The following WWOX variants were observed in gnomAD, a reference collection of about 807,000 sequenced individuals.
The protein encoded by WWOX is WW domain containing oxidoreductase, also known as WW domain-containing oxidoreductase.
In WWOX, 69 loss-of-function variants were observed where a neutral mutation model predicts 46.2. The observed-to-expected ratio is 1.49, with a 90% CI of 1.23 to 1.82. The LOEUF (loss-of-function observed/expected upper bound fraction) is 1.82, where lower values mean the gene tolerates loss of function less well. Ranked by LOEUF, WWOX falls within the 40% of genes most tolerant of loss-of-function variation. WWOX has a pLI of 0.00. For synonymous variants in WWOX, 359 were observed against 202.6 expected, an observed-to-expected ratio of 1.77 and a Z score of -6.56; for missense variants, 919 against 542.6, an observed-to-expected ratio of 1.69 and a Z score of -6.89.
chr16:79,182,061 T>A (rs963353634), intron 8 of WWOX, among the ~76,000 whole-genome samples: 1 of 149,274 alleles, frequency 6.7e-6, no homozygotes, highest in Non-Finnish European at 1.5e-5. Flanking sequence ...CAGGGGAACC[T>A]TCCAACATCC....
At chr16:78,917,261 A>T (rs894834265) in intron 8 of WWOX, among the ~76,000 whole-genome samples, 14 of 152,238 alleles carry the variant, frequency 9.2e-5, no homozygotes, top group Non-Finnish European at 2.1e-4. Context: ...ACTGAGAGTC[A>T]GGAGGCGTGG....
intron 8 of WWOX, among the ~76,000 whole-genome samples, chr16:78,563,519 T>TTTTTTTTTTTTC (rs2044490374): frequency 2.2e-5 from 2 of 92,444 alleles, no homozygotes; most frequent in African/African-American, 1.3e-4. Context: ...ACACACACGC[T>TTTTTTTTTTTTC]TTTTTTTTTT....
intron 5 of WWOX, among the ~76,000 whole-genome samples, chr16:78,379,802 AG>A (rs2081915096): frequency 6.6e-6 from 1 of 152,170 alleles, no homozygotes; most frequent in Non-Finnish European, 1.5e-5. Context: ...TTTGAAAACT[AG>A]GTTTGATCAC....
chr16:78,596,191 C>G (rs369144790), intron 8 of WWOX, among the ~76,000 whole-genome samples: 2 of 152,190 alleles, frequency 1.3e-5, no homozygotes, highest in East Asian at 3.9e-4. Flanking sequence ...ATCAACAAAA[C>G]AAAACATGAT....
At chr16:78,439,591 T>A (rs1413397639) in intron 8 of WWOX, among the ~76,000 whole-genome samples, 1 of 152,228 alleles carries the variant, frequency 6.6e-6, no homozygotes, top group Non-Finnish European at 1.5e-5. Context: ...ATGAGGGTTG[T>A]ATTCAAACTG....
At chr16:78,804,127 A>G (rs2050966380) in intron 8 of WWOX, among the ~76,000 whole-genome samples, 2 of 152,180 alleles carry the variant, frequency 1.3e-5, no homozygotes. Context: ...GATGGGTCAG[A>G]TAGCATGTGT....
At chr16:78,638,964 G>T (rs1180759256) in intron 8 of WWOX, among the ~76,000 whole-genome samples, 1 of 152,080 alleles carries the variant, frequency 6.6e-6, no homozygotes, top group Non-Finnish European at 1.5e-5. Context: ...TGGGGTGCTG[G>T]TAGTGGGGGC....
At chr16:78,857,676 G>C (rs2052598348) in intron 8 of WWOX, among the ~76,000 whole-genome samples, 1 of 152,134 alleles carries the variant, frequency 6.6e-6, no homozygotes, top group African/African-American at 2.4e-5. Context: ...CACCAAGGCT[G>C]AATCTTTGAA....
chr16:79,006,016 C>T (rs547972333), intron 8 of WWOX, among the ~76,000 whole-genome samples: 1 of 152,170 alleles, frequency 6.6e-6, no homozygotes, highest in Admixed American at 6.5e-5. Context: ...CATTTGCGGT[C>T]ACCTCTTATG....
chr16:78,886,525 G>A (rs534654867), intron 8 of WWOX, among the ~76,000 whole-genome samples: 1 of 151,698 alleles, frequency 6.6e-6, no homozygotes, highest in Non-Finnish European at 1.5e-5. Flanking sequence ...GAAGTTTTAA[G>A]ATAGATGTCT....
At chr16:78,968,869 T>C (rs2046414853) in intron 8 of WWOX, among the ~76,000 whole-genome samples, 1 of 152,096 alleles carries the variant, frequency 6.6e-6, no homozygotes, top group South Asian at 2.1e-4. Flanking sequence ...AGAAGGGACT[T>C]GGAATGTTTG....
chr16:79,183,017 C>T (rs889097589), intron 8 of WWOX, among the ~76,000 whole-genome samples: 2 of 152,228 alleles, frequency 1.3e-5, no homozygotes, highest in Non-Finnish European at 2.9e-5. Context: ...TCGTCTGACA[C>T]ACATATTTCA....
chr16:78,748,584 C>G (rs1230140239), intron 8 of WWOX, among the ~76,000 whole-genome samples: 2 of 152,156 alleles, frequency 1.3e-5, no homozygotes, highest in East Asian at 3.9e-4. Flanking sequence ...ACAATACGTC[C>G]GTGATCAACA....
intron 8 of WWOX, among the ~76,000 whole-genome samples, chr16:79,117,990 C>G (rs1383178999): frequency 6.6e-6 from 1 of 152,238 alleles, no homozygotes; most frequent in Non-Finnish European, 1.5e-5. Context: ...TGTGTGTTCA[C>G]TAGAATAGCA....
At chr16:78,589,258 A>G (rs1191575135) in intron 8 of WWOX, among the ~76,000 whole-genome samples, 1 of 152,242 alleles carries the variant, frequency 6.6e-6, no homozygotes, top group Non-Finnish European at 1.5e-5. Context: ...GAGGAAAAGC[A>G]AAGCAAAACA....
rs183669471 is a variant in WWOX, at chr16:78,621,884, C to T, written c.1056+189132C>T. Among the ~76,000 whole-genome samples the T allele has an allele frequency of 2.4e-3, 362 of 152,078 alleles. 2 individuals carry two copies. Among genetic ancestry groups the T allele is most frequent in the African/African-American group, 8.0e-3 (330 of 41,486 alleles). On this transcript the variant is annotated intron_variant, in intron 8 of 8. Transcript: ENST00000566780. ...CCTCCCAAAGTGCTGGGATTACAGG[C>T]GTGAGCCACCGTGCCCAGCCTTCTT...
chr16:78,832,614 C>T (rs184307457), intron 8 of WWOX, among the ~76,000 whole-genome samples: 30 of 152,220 alleles, frequency 2.0e-4, no homozygotes, highest in African/African-American at 5.5e-4. Flanking sequence ...TGGGAAAATG[C>T]GTCCCTCTCT....
intron 8 of WWOX, among the ~76,000 whole-genome samples, chr16:78,911,229 A>G (rs2045103109): frequency 6.6e-6 from 1 of 152,002 alleles, no homozygotes; most frequent in South Asian, 2.1e-4. Flanking sequence ...ATATTTCCAG[A>G]GCAATTTTGG....
chr16:78,695,099 A>G (rs960653509), intron 8 of WWOX, among the ~76,000 whole-genome samples: 2 of 152,132 alleles, frequency 1.3e-5, no homozygotes, highest in African/African-American at 4.8e-5. Context: ...TTCATTTACC[A>G]TGTTACTACT....
Sources: allele counts gnomAD v4.1 joint callset (sites outside exome capture counted in the v4.1 genomes callset), GRCh38; gene constraint gnomAD v4.1.1; transcripts MANE v1.5; gene names NCBI Gene and HGNC (gene_info 2026-07-23, HGNC 2026-07-21).